The following EML6 variants were observed in gnomAD, a reference collection of about 807,000 sequenced individuals.
The protein encoded by EML6 is EMAP like 6.
EML6 carries 154 observed loss-of-function variants against 240.1 expected under a neutral mutation model. The observed-to-expected ratio is 0.64, with a 90% CI of 0.56 to 0.73. The LOEUF is 0.73. Ranked by LOEUF, EML6 falls within the 30% of genes least tolerant of loss-of-function variation. The probability of loss-of-function intolerance (pLI) is 0.00; values close to 1 mark genes in which losing one functional copy is unlikely to be tolerated. For missense variants in EML6, 2,964 were observed against 2,474.6 expected, an observed-to-expected ratio of 1.20 and a Z score of -4.20; for synonymous variants, 1,148 against 899.0, an observed-to-expected ratio of 1.28 and a Z score of -4.95.
chr2:54,751,420 G>T (rs977849965), intron 2 of EML6, among the ~76,000 whole-genome samples: 6 of 152,014 alleles, frequency 3.9e-5, no homozygotes, highest in Admixed American at 2.0e-4. Context: ...TGAGCAGAAG[G>T]TTCACAAGGA....
intron 7 of EML6, among the ~76,000 whole-genome samples, chr2:54,832,379 A>G (rs1361132199): frequency 6.6e-6 from 1 of 152,204 alleles, no homozygotes; most frequent in East Asian, 1.9e-4. Flanking sequence ...GCCACCTTCC[A>G]TAGCTCCGAA....
intron 2 of EML6, among the ~76,000 whole-genome samples, chr2:54,729,567 A>G (rs1683064979): frequency 1.3e-5 from 2 of 152,110 alleles, no homozygotes; most frequent in Non-Finnish European, 2.9e-5. Flanking sequence ...AGGCACAGAG[A>G]GGTTGAGGAT....
In EML6 at chr2:54,968,779, A is replaced by T; in HGVS notation, c.5852+11A>T. 4.9e-6 allele frequency: 7 copies of T among 1,441,224 alleles called. No homozygotes were observed. The highest frequency in any genetic ancestry group is 6.7e-6 in the Non-Finnish European group (7 of 1,046,254). 89.3% of individuals were successfully genotyped at this position (1,441,224 alleles called of 1,614,324 possible). On this transcript the variant is annotated intron_variant, in intron 41 of 41. Coordinates refer to ENST00000356458, the MANE Select transcript of EML6 (RefSeq NM_001039753.4). ...AGGAGACGACTGCAGGTACTAACGT[A>T]GCTGACCCAGTTCTTACTCCACAGG... is the stretch of plus-strand genomic sequence containing the variant.
At position 54,863,776 on chromosome 2, in the gene EML6, TCTG is replaced by T. The variant is rs1441576664; in HGVS notation, c.1826-5_1826-3del. The T allele has an allele frequency of 6.7e-7, 1 of 1,491,322 alleles. No homozygotes were observed. Among genetic ancestry groups the T allele is most frequent in the Non-Finnish European group, 9.1e-7 (1 of 1,095,726 alleles). 92.4% of individuals were successfully genotyped at this position (1,491,322 alleles called of 1,614,324 possible). A position where few individuals can be genotyped will look rare whatever the true frequency, so the allele number is the denominator to read the frequency against. On this transcript the variant is annotated splice_polypyrimidine_tract_variant and splice_region_variant and intron_variant, in intron 12 of 41. Transcript: ENST00000356458. ...TTGCTTGTTTCTTGTGGGTTGTATCTCTGCAGAAGGTGGAGCTGATTCCTACAG... is the reference window on the plus strand; with the variant it reads ...TTGCTTGTTTCTTGTGGGTTGTATCTCAGAAGGTGGAGCTGATTCCTACAG...
intron 11 of EML6, 132 bp downstream of exon 11, chr2:54,853,987 C>G (rs1196422785): frequency 3.9e-6 from 2 of 516,338 alleles, no homozygotes; most frequent in South Asian, 5.8e-5. Flanking sequence ...ATTTACTTTT[C>G]AACAATTTTA....
chr2:54,822,098 A>T (rs1349261947), intron 5 of EML6, among the ~76,000 whole-genome samples: 2 of 152,192 alleles, frequency 1.3e-5, no homozygotes, highest in Non-Finnish European at 2.9e-5. Context: ...AATCCGTAGA[A>T]TGGACAAAGA....
At chr2:54,753,932 C>G (rs1572859024) in intron 2 of EML6, among the ~76,000 whole-genome samples, 1 of 151,870 alleles carries the variant, frequency 6.6e-6, no homozygotes, top group African/African-American at 2.4e-5. Flanking sequence ...GTCAGGAGTT[C>G]GAGACCAGCC....
intron 11 of EML6, among the ~76,000 whole-genome samples, chr2:54,855,464 C>T (rs563166384): frequency 4.3e-5 from 6 of 139,186 alleles, no homozygotes; most frequent in East Asian, 2.3e-4. Flanking sequence ...CCATGCCCCC[C>T]CCCCGCCCTC....
At chr2:54,857,962 A>G (rs1377253436) in intron 11 of EML6, among the ~76,000 whole-genome samples, 1 of 152,242 alleles carries the variant, frequency 6.6e-6, no homozygotes, top group Non-Finnish European at 1.5e-5. Flanking sequence ...TTAATTATCT[A>G]TTGCTGCATA....
chr2:54,818,525 G>C (rs763452497), intron 4 of EML6, among the ~76,000 whole-genome samples: 3 of 152,326 alleles, frequency 2.0e-5, no homozygotes, highest in Non-Finnish European at 4.4e-5. Context: ...GGATACATAT[G>C]CCTGCCCAGT....
At chr2:54,838,194 T>A (rs1669253842) in intron 7 of EML6, among the ~76,000 whole-genome samples, 1 of 152,202 alleles carries the variant, frequency 6.6e-6, no homozygotes, top group South Asian at 2.1e-4. Context: ...CACTGCCACC[T>A]TACAGGGCTC....
At chr2:54,947,007 C>G (rs986409721) in intron 28 of EML6, among the ~76,000 whole-genome samples, 1 of 151,496 alleles carries the variant, frequency 6.6e-6, no homozygotes, top group South Asian at 2.1e-4. Context: ...TGTGCTTGTA[C>G]GCATACTCTA....
Position 54,970,554 on chromosome 2 carries a change from C to T in EML6, c.*459C>T, listed in dbSNP as rs767847074. 10 of 162,382 alleles carry T rather than the reference C, an allele frequency of 6.2e-5. No homozygotes were observed. The highest frequency in any genetic ancestry group is 3.2e-3 in the Middle Eastern group (1 of 312). 10.1% of individuals were successfully genotyped at this position (162,382 alleles called of 1,614,324 possible). A position where few individuals can be genotyped will look rare whatever the true frequency, so the allele number is the denominator to read the frequency against. ...ACAAGACAGCCTAAGTTAGATGCAC[C>T]GAAGTACTAGAAATATCGCTAGCCT... On this transcript the variant is annotated 3_prime_UTR_variant, in exon 42 of 42. Transcript: ENST00000356458.
chr2:54,779,344 G>A (rs1447956299), intron 2 of EML6, among the ~76,000 whole-genome samples: 2 of 151,794 alleles, frequency 1.3e-5, no homozygotes, highest in Non-Finnish European at 2.9e-5. Flanking sequence ...TTCAAGACCA[G>A]CCTGGCCATC....
chr2:54,942,758 C>T (rs918399426), intron 28 of EML6, among the ~76,000 whole-genome samples: 5 of 152,166 alleles, frequency 3.3e-5, no homozygotes, highest in African/African-American at 7.2e-5. Flanking sequence ...ACATCATCAC[C>T]AGGAACTCCT....
intron 26 of EML6, among the ~76,000 whole-genome samples, chr2:54,927,929 G>C (rs1176226873): frequency 6.6e-6 from 1 of 152,218 alleles, no homozygotes; most frequent in Non-Finnish European, 1.5e-5. Flanking sequence ...GTAGGAGATG[G>C]CTGTGAAGAC....
intron 2 of EML6, among the ~76,000 whole-genome samples, chr2:54,797,166 A>AAAAAAAAAAAAAAAAAAAAAAAAAC (rs1669837148): frequency 2.0e-5 from 2 of 100,398 alleles, no homozygotes; most frequent in African/African-American, 3.2e-5. Flanking sequence ...CTCCATCTCA[A>AAAAAAAAAAAAAAAAAAAAAAAAAC]AAAAAAAAAA....
chr2:54,828,520 C>G (rs1418763848), intron 6 of EML6, among the ~76,000 whole-genome samples: 2 of 152,174 alleles, frequency 1.3e-5, no homozygotes, highest in Non-Finnish European at 2.9e-5. Flanking sequence ...CAAATTGATT[C>G]CCTATACCCT....
At chr2:54,785,630 A>C (rs1005304527) in intron 2 of EML6, among the ~76,000 whole-genome samples, 1 of 152,232 alleles carries the variant, frequency 6.6e-6, no homozygotes, top group Admixed American at 6.5e-5. Flanking sequence ...CTCGACTGTG[A>C]ATGATTCCAT....
Sources: allele counts gnomAD v4.1 joint callset (sites outside exome capture counted in the v4.1 genomes callset), GRCh38; gene constraint gnomAD v4.1.1; transcripts MANE v1.5; gene names NCBI Gene and HGNC (gene_info 2026-07-23, HGNC 2026-07-21).